The following PRRT3 variants were observed in gnomAD, a reference collection of about 807,000 sequenced individuals.
PRRT3 encodes the protein proline-rich transmembrane protein 3.
In PRRT3, 48 loss-of-function variants were observed where a neutral mutation model predicts 56.6. That is an observed-to-expected ratio of 0.85 (90% CI 0.67 to 1.08). The LOEUF (loss-of-function observed/expected upper bound fraction) is 1.08. Ranked by LOEUF, PRRT3 falls within the 50% of genes least tolerant of loss-of-function variation. The pLI is 0.00. For synonymous variants in PRRT3, 641 were observed against 619.1 expected, an observed-to-expected ratio of 1.04 and a Z score of -0.52; for missense variants, 1,370 against 1,353.1, an observed-to-expected ratio of 1.01 and a Z score of -0.20.
chr3:9,946,333 G>C lies in PRRT3; in HGVS notation c.2840C>G (p.Ala947Gly), dbSNP rs1388304312. ...TVQLLPAPTP[A>G]PDSTAARQGD... is the part of the protein sequence containing the mutation. The stretch of plus-strand genomic sequence containing the variant: ...CTGCCGAGCGGCGGTAGAATCAGGG[G>C]CTGGGGTCGGGGCAGGCAGTAGCTG... The change falls in exon 4 of 4, where the codon GCC becomes GGC. Residue 947 changes from alanine (A) to glycine (G), a missense_variant. Physicochemically the swap from Ala to Gly is moderately conservative, Grantham distance 60 (BLOSUM62 0). Transcript: ENST00000412055. The surrounding 1 kb of genome is among the most constrained non-coding windows in gnomAD (Gnocchi z 4.1). The C allele has an allele frequency of 6.2e-7, 1 of 1,612,298 alleles. No individual in the cohort carries two copies. The highest frequency in any genetic ancestry group is 8.5e-7 in the Non-Finnish European group (1 of 1,179,690).
In PRRT3 at chr3:9,946,808, A is replaced by C. The variant is rs763123781; in HGVS notation, c.2365T>G (p.Ser789Ala). Residue 789 changes from serine to alanine, a missense_variant, in exon 4 of 4, where the codon TCC (serine) becomes GCC (alanine). Coordinates refer to ENST00000412055, the MANE Select transcript of PRRT3 (RefSeq NM_207351.5). The surrounding 1 kb of genome is among the most constrained non-coding windows in gnomAD (Gnocchi z 4.1). ...GRGPQGGPGL[S>A]RNGVGPAPSL... ...GGCGCCGGTCCCACACCGTTGCGGG[A>C]CAGTCCCGGGCCACCCTGGGGTCCG... is the stretch of plus-strand genomic sequence containing the variant. 1 of 1,547,844 alleles carries C rather than the reference A, an allele frequency of 6.5e-7. No individual in the cohort carries two copies. The highest frequency in any genetic ancestry group is 8.7e-7 in the Non-Finnish European group (1 of 1,153,976).
At position 9,946,072 on chromosome 3, in the gene PRRT3, G is replaced by C. The variant is rs541491687; in HGVS notation, c.*155C>G. ...AGGCTGATCTCGAACTCCTGACCTC[G>C]TGTTCCACCCACCTCGGCCTCCCAA... On this transcript the variant is annotated 3_prime_UTR_variant, in exon 4 of 4. Transcript: ENST00000412055. This position sits in a 1 kb window ranked among gnomAD's most constrained non-coding sequence, Gnocchi z 4.1. 7.7e-5 allele frequency: 88 copies of C among 1,136,684 alleles called. 1 individual carries two copies. The Admixed American group carries it at 1.7e-3, about 22-fold the overall frequency. 70.4% of individuals were successfully genotyped at this position (1,136,684 alleles called of 1,614,324 possible).
Position 9,947,472 on chromosome 3 carries a change from CGGTGG to C in PRRT3, c.1696_1700del (p.Pro566AlafsTer84), listed in dbSNP as rs763088659. The C allele has an allele frequency of 1.9e-6, 3 of 1,612,400 alleles. No individual in the cohort carries two copies. The highest frequency in any genetic ancestry group is 2.5e-6 in the Non-Finnish European group (3 of 1,179,654). On this transcript the variant is annotated frameshift_variant, in exon 4 of 4. Transcript: ENST00000412055. LOFTEE classifies it high-confidence loss of function. This position sits in a 1 kb window ranked among gnomAD's most constrained non-coding sequence, Gnocchi z 9.2. ...CTCCCAGCAGGAGTGGGTTTTGCAG[CGGTGG>C]CGGCAGCCCCGCGCCCAGGCCGAGC...
rs369165819 is a variant in PRRT3 at position 9,949,077 on chromosome 3, C to T, written c.1015+24G>A. On this transcript the variant is annotated intron_variant, in intron 2 of 3. Coordinates refer to ENST00000412055, the MANE Select transcript of PRRT3 (RefSeq NM_207351.5). The surrounding 1 kb of genome is among the most constrained non-coding windows in gnomAD (Gnocchi z 4.5). ...GGCATCCAGCTGCCCCAGAACATCGCTCAGCACACTCATTGATACCCACCT... is the reference window on the plus strand; with the variant it reads ...GGCATCCAGCTGCCCCAGAACATCGTTCAGCACACTCATTGATACCCACCT... 4 of 1,570,702 alleles carry T rather than the reference C, an allele frequency of 2.5e-6. No homozygotes were observed. The African/African-American group carries it at 5.5e-5, about 22-fold the overall frequency.
chr3:9,947,238 C>T lies in PRRT3; in HGVS notation c.1935G>A (p.Ala645=), dbSNP rs745906704. The T allele has an allele frequency of 5.6e-5, 84 of 1,489,398 alleles. No individual in the cohort carries two copies. In the South Asian group the frequency reaches 1.1e-3, roughly 19 times the overall value. The allele number at this position is 1,489,398 out of a possible 1,614,324, so 92.3% of individuals were successfully genotyped here. A position where few individuals can be genotyped will look rare whatever the true frequency, so the allele number is the denominator to read the frequency against. Residue 645 remains alanine, a synonymous_variant, in exon 4 of 4, where the codon GCG becomes GCA. Transcript: ENST00000412055. The surrounding 1 kb of genome is among the most constrained non-coding windows in gnomAD (Gnocchi z 9.2). ...GCAAGCCGCTAGCCAGCAGCCCCAG[C>T]GCGCCCGCCACAGCCAACAGCCGAG... ...PGPRLLAVAG[A]LGLLASGLQL...
Position 9,948,775 on chromosome 3 carries a change from A to AT in PRRT3, c.1153dup (p.Met385AsnfsTer8). 1 of 1,613,570 alleles carries AT rather than the reference A, an allele frequency of 6.2e-7. No individual in the cohort carries two copies. The highest frequency in any genetic ancestry group is 1.1e-5 in the South Asian group (1 of 91,074). On this transcript the variant is annotated frameshift_variant, in exon 3 of 4. Coordinates refer to ENST00000412055, the MANE Select transcript of PRRT3 (RefSeq NM_207351.5). LOFTEE classifies it high-confidence loss of function. Reference sequence around the variant, plus strand: ...GCTCTCACCTGGCTGCAGGGCCCCCATGGGGCTCTCTGTTCGGTTTACAGC... The same window carrying AT: ...GCTCTCACCTGGCTGCAGGGCCCCCATTGGGGCTCTCTGTTCGGTTTACAGC...
rs769835123 is a variant in PRRT3, at chr3:9,946,923, G to C, written c.2250C>G (p.Ile750Met). ...PSNVGAGSLD[I>M]SKSLIRNPAE... is the part of the protein sequence containing the mutation. ...CCGGGTTGCGGATGAGGCTCTTGCT[G>C]ATGTCCAAGCTGCCTGCACCAACGT... The change falls in exon 4 of 4, where the codon ATC (isoleucine) becomes ATG (methionine). Residue 750 changes from isoleucine to methionine, a missense_variant. Coordinates refer to ENST00000412055, the MANE Select transcript of PRRT3 (RefSeq NM_207351.5). This position sits in a 1 kb window ranked among gnomAD's most constrained non-coding sequence, Gnocchi z 4.1. 6.5e-7 allele frequency: 1 copy of C among 1,540,548 alleles called. No individual in the cohort carries two copies. The highest frequency in any genetic ancestry group is 8.7e-7 in the Non-Finnish European group (1 of 1,148,588).
chr3:9,949,081 GCA>G lies in PRRT3; in HGVS notation c.1015+18_1015+19del. ...TCCAGCTGCCCCAGAACATCGCTCA[GCA>G]CACTCATTGATACCCACCTGGCTTA... is the stretch of plus-strand genomic sequence containing the variant. On this transcript the variant is annotated intron_variant, in intron 2 of 3. Transcript: ENST00000412055. This position sits in a 1 kb window ranked among gnomAD's most constrained non-coding sequence, Gnocchi z 4.5. The G allele has an allele frequency of 1.3e-6, 2 of 1,576,540 alleles. No individual in the cohort carries two copies. Among genetic ancestry groups the G allele is most frequent in the South Asian group, 2.3e-5 (2 of 85,144 alleles).
In PRRT3 at chr3:9,946,966, C is replaced by T; in HGVS notation, c.2207G>A (p.Cys736Tyr). Residue 736 changes from cysteine (C) to tyrosine (Y), a missense_variant, in exon 4 of 4, where the codon TGC (cysteine) becomes TAC (tyrosine). By Grantham distance (194) the Cys-to-Tyr change is radical. Transcript: ENST00000412055. The surrounding 1 kb of genome is among the most constrained non-coding windows in gnomAD (Gnocchi z 4.1). Reference sequence around the variant, plus strand: ...ACCAACGTTGCTGGGCCCTGCATAGCAGTTATTGGGTCGCTCCGGCACCTC... The same window carrying T: ...ACCAACGTTGCTGGGCCCTGCATAGTAGTTATTGGGTCGCTCCGGCACCTC... ...KSEVPERPNN[C>Y]YAGPSNVGAG... The T allele has an allele frequency of 1.3e-6, 2 of 1,544,124 alleles. No individual in the cohort carries two copies. The highest frequency in any genetic ancestry group is 1.7e-6 in the Non-Finnish European group (2 of 1,149,742).
chr3:9,947,350 C>T lies in PRRT3; in HGVS notation c.1823G>A (p.Trp608Ter). The T allele has an allele frequency of 6.2e-7, 1 of 1,610,376 alleles. No homozygotes were observed. ...CGTGCCCAGAGCCACGGCCGCGCCC[C>T]AGGCGCACGACAAGCCCTGCGTCAG... ...NLLTQGLSCAWGAAVALGTLC... is the reference protein window; with the variant it reads ...NLLTQGLSCA Residue 608 changes from tryptophan (W) to a stop codon, truncating the protein, a stop_gained, in exon 4 of 4, where the codon TGG (tryptophan) becomes TAG (stop). Coordinates refer to ENST00000412055, the MANE Select transcript of PRRT3 (RefSeq NM_207351.5). LOFTEE classifies it high-confidence loss of function. The surrounding 1 kb of genome is among the most constrained non-coding windows in gnomAD (Gnocchi z 9.2).
chr3:9,946,167 C>A lies in PRRT3; in HGVS notation c.*60G>T, dbSNP rs2085513210. ...CCCATTTTTTAAAGGCTCAACTGTC[C>A]CAGTAGGCCATGCCATGTGGGCATC... On this transcript the variant is annotated 3_prime_UTR_variant, in exon 4 of 4. Coordinates refer to ENST00000412055, the MANE Select transcript of PRRT3 (RefSeq NM_207351.5). The surrounding 1 kb of genome is among the most constrained non-coding windows in gnomAD (Gnocchi z 4.1). 1 of 1,557,400 alleles carries A rather than the reference C, an allele frequency of 6.4e-7. No individual in the cohort carries two copies.
chr3:9,949,534 G>A lies in PRRT3; in HGVS notation c.582C>T (p.Ser194=). The change falls in exon 2 of 4, where the codon AGC becomes AGT. Residue 194 remains serine, a synonymous_variant. Transcript: ENST00000412055. This position sits in a 1 kb window ranked among gnomAD's most constrained non-coding sequence, Gnocchi z 4.5. The part of the protein sequence containing the change: ...RDEGLKAKTK[S]RVPPTSPSDH... ...CTGAGGGAGAAGTGGGTGGGACCCT[G>A]CTCTTAGTTTTGGCCTTCAGACCCT... is the stretch of plus-strand genomic sequence containing the variant. The A allele has an allele frequency of 1.2e-6, 2 of 1,614,086 alleles. No homozygotes were observed. Among genetic ancestry groups the A allele is most frequent in the Non-Finnish European group, 1.7e-6 (2 of 1,180,022 alleles).
rs1362177508 is a variant in PRRT3 at position 9,947,158 on chromosome 3, G to A, written c.2015C>T (p.Ser672Leu). Residue 672 changes from serine (S) to leucine (L), a missense_variant, in exon 4 of 4, where the codon TCG becomes TTG. Coordinates refer to ENST00000412055, the MANE Select transcript of PRRT3 (RefSeq NM_207351.5). The surrounding 1 kb of genome is among the most constrained non-coding windows in gnomAD (Gnocchi z 9.2). ...GAAGTGGACACCCCACCAGGCCCAC[G>A]AGAAGCGGCCCACGCGGCCTGGGCC... Reference protein sequence around the residue: ...YPGPGRVGRFSWAWWGVHFWL... With the variant: ...YPGPGRVGRFLWAWWGVHFWL... 2.0e-6 allele frequency: 3 copies of A among 1,536,132 alleles called. No individual in the cohort carries two copies. Among genetic ancestry groups the A allele is most frequent in the Non-Finnish European group, 2.6e-6 (3 of 1,146,742 alleles).
rs1384070650 is a variant in PRRT3, at chr3:9,946,918, TTGC to T, written c.2252_2254del (p.Ser751del). 6.5e-7 allele frequency: 1 copy of T among 1,540,166 alleles called. No homozygotes were observed. Among genetic ancestry groups the T allele is most frequent in the South Asian group, 1.2e-5 (1 of 84,432 alleles). On this transcript the variant is annotated inframe_deletion, in exon 4 of 4. Transcript: ENST00000412055. This position sits in a 1 kb window ranked among gnomAD's most constrained non-coding sequence, Gnocchi z 4.1. ...CTCCGCCGGGTTGCGGATGAGGCTC[TTGC>T]TGATGTCCAAGCTGCCTGCACCAAC...
In PRRT3 at chr3:9,949,163, G is replaced by T; in HGVS notation, c.953C>A (p.Ser318Ter). The change falls in exon 2 of 4, where the codon TCA becomes TAA. Residue 318 changes from serine (S) to a stop codon, truncating the protein, a stop_gained. Transcript: ENST00000412055. LOFTEE classifies it high-confidence loss of function. The surrounding 1 kb of genome is among the most constrained non-coding windows in gnomAD (Gnocchi z 4.5). ...KQADLPDAKD[S>*]PGPQPTDPPA... is the part of the protein sequence containing the mutation. ...TGGATCCGTGGGCTGGGGTCCTGGT[G>T]AATCCTTAGCGTCAGGAAGGTCAGC... is the stretch of plus-strand genomic sequence containing the variant. 6.2e-7 allele frequency: 1 copy of T among 1,612,450 alleles called. No homozygotes were observed.
chr3:9,946,360 A>G lies in PRRT3; in HGVS notation c.2813T>C (p.Val938Ala), dbSNP rs11915385. The change falls in exon 4 of 4, where the codon GTA becomes GCA. Residue 938 changes from valine to alanine, a missense_variant. Coordinates refer to ENST00000412055, the MANE Select transcript of PRRT3 (RefSeq NM_207351.5). This position sits in a 1 kb window ranked among gnomAD's most constrained non-coding sequence, Gnocchi z 4.1. ...SLPLDELPST[V>A]QLLPAPTPAP... ...TGGGGTCGGGGCAGGCAGTAGCTGT[A>G]CCGTGCTGGGCAACTCATCTAGGGG... 4.3e-6 allele frequency: 7 copies of G among 1,611,080 alleles called. No individual in the cohort carries two copies. Among genetic ancestry groups the G allele is most frequent in the Non-Finnish European group, 5.9e-6 (7 of 1,178,936 alleles).
chr3:9,952,303 C>G lies in PRRT3; in HGVS notation c.-58+19G>C, dbSNP rs1421452097. 1 of 152,476 alleles carries G rather than the reference C, an allele frequency of 6.6e-6. No individual in the cohort carries two copies. The highest frequency in any genetic ancestry group is 1.5e-5 in the Non-Finnish European group (1 of 68,270). 9.4% of individuals were successfully genotyped at this position (152,476 alleles called of 1,614,324 possible). On this transcript the variant is annotated intron_variant, in intron 1 of 3. Coordinates refer to ENST00000412055, the MANE Select transcript of PRRT3 (RefSeq NM_207351.5). ...CGTCGGGGTCCCGCCATCGCCCCCT[C>G]CCTGGGCCAGCTCCTCACCTGCGCG... is the stretch of plus-strand genomic sequence containing the variant.
At position 9,947,708 on chromosome 3, in the gene PRRT3, C is replaced by G. The variant is rs1479097515; in HGVS notation, c.1465G>C (p.Ala489Pro). Residue 489 changes from alanine to proline, a missense_variant, in exon 4 of 4, where the codon GCG becomes CCG. Physicochemically the swap from Ala to Pro is conservative, Grantham distance 27. Coordinates refer to ENST00000412055, the MANE Select transcript of PRRT3 (RefSeq NM_207351.5). This position sits in a 1 kb window ranked among gnomAD's most constrained non-coding sequence, Gnocchi z 9.2. ...GGGGCGGCTGCCAGCGCAGCCAGCGCCAACAACGCGGGCAGCAGAAAGAGT... is the reference window on the plus strand; with the variant it reads ...GGGGCGGCTGCCAGCGCAGCCAGCGGCAACAACGCGGGCAGCAGAAAGAGT... ...GVLFLLPALLALAALAAAPAG... is the reference protein window; with the variant it reads ...GVLFLLPALLPLAALAAAPAG... The G allele has an allele frequency of 3.2e-6, 5 of 1,569,430 alleles. No homozygotes were observed. Among genetic ancestry groups the G allele is most frequent in the Admixed American group, 1.9e-5 (1 of 51,570 alleles).
At position 9,947,721 on chromosome 3, in the gene PRRT3, C is replaced by T; in HGVS notation, c.1452G>A (p.Leu484=). 2 of 1,562,844 alleles carry T rather than the reference C, an allele frequency of 1.3e-6. No individual in the cohort carries two copies. Among genetic ancestry groups the T allele is most frequent in the Admixed American group, 2.0e-5 (1 of 50,308 alleles). The change falls in exon 4 of 4, where the codon CTG becomes CTA. Residue 484 remains leucine (L), a synonymous_variant. Coordinates refer to ENST00000412055, the MANE Select transcript of PRRT3 (RefSeq NM_207351.5). The surrounding 1 kb of genome is among the most constrained non-coding windows in gnomAD (Gnocchi z 9.2). ...HVYGVGVLFL[L]PALLALAALA... is the part of the protein sequence containing the mutation. ...GCGCAGCCAGCGCCAACAACGCGGG[C>T]AGCAGAAAGAGTACCCCCACCCCGT...
Sources: allele counts gnomAD v4.1 joint callset, GRCh38; gene constraint gnomAD v4.1.1; non-coding constraint Gnocchi (gnomAD v3.1); transcripts MANE v1.5; gene names NCBI Gene and HGNC (gene_info 2026-07-23, HGNC 2026-07-21).